The following LTBP1 variants were observed in gnomAD, a reference collection of about 807,000 sequenced individuals.
The protein encoded by LTBP1 is latent transforming growth factor beta binding protein 1.
In LTBP1, 129 loss-of-function variants were observed where a neutral mutation model predicts 207.6. The observed-to-expected ratio is 0.62, with a 90% CI of 0.54 to 0.72. The LOEUF (loss-of-function observed/expected upper bound fraction) is 0.72. Ranked by LOEUF, LTBP1 falls within the 30% of genes least tolerant of loss-of-function variation. The pLI, the probability that LTBP1 is intolerant of heterozygous loss-of-function variation, is 0.00. For synonymous variants in LTBP1, 963 were observed against 833.7 expected (o/e 1.16, Z -2.67); for missense variants, 2,281 against 2,217.2 (o/e 1.03, Z -0.58).
At chr2:33,026,213 G>C (rs1196344697) in intron 3 of LTBP1, among the ~76,000 whole-genome samples, 1 of 152,000 alleles carries the variant, frequency 6.6e-6, no homozygotes, top group East Asian at 1.9e-4. Context: ...TTCCTTAAAC[G>C]ATCTCTCAGA....
At chr2:33,295,221 C>T (rs1345855911) in intron 20 of LTBP1, among the ~76,000 whole-genome samples, 2 of 151,632 alleles carry the variant, frequency 1.3e-5, no homozygotes, top group Admixed American at 6.6e-5. Flanking sequence ...TCAATGTATA[C>T]GAACTCTTTA....
At chr2:33,216,817 C>T (rs1238822860) in intron 7 of LTBP1, among the ~76,000 whole-genome samples, 1 of 152,180 alleles carries the variant, frequency 6.6e-6, no homozygotes, top group Non-Finnish European at 1.5e-5. Flanking sequence ...GCCCCTGCCT[C>T]TCAGCTTTTT....
At chr2:33,372,725 ATGG>A (rs1164955282) in intron 31 of LTBP1, among the ~76,000 whole-genome samples, 4 of 152,022 alleles carry the variant, frequency 2.6e-5, no homozygotes, top group Non-Finnish European at 4.4e-5. Context: ...TTAGCCAGGC[ATGG>A]TGGCGCATGC....
chr2:33,147,807 T>C (rs1182435959), intron 5 of LTBP1, among the ~76,000 whole-genome samples: 2 of 152,204 alleles, frequency 1.3e-5, no homozygotes, highest in Non-Finnish European at 1.5e-5. Context: ...GTCTGCCTTG[T>C]CTTCAGAATT....
At chr2:33,226,923 A>G (rs565738769) in intron 9 of LTBP1, among the ~76,000 whole-genome samples, 3 of 152,314 alleles carry the variant, frequency 2.0e-5, no homozygotes, top group East Asian at 1.9e-4. Flanking sequence ...ATTTAGGTCT[A>G]TCTAAACATC....
Position 33,243,661 on chromosome 2 carries a change from G to C in LTBP1, c.1877-1G>C. 6.2e-7 allele frequency: 1 copy of C among 1,613,670 alleles called. No homozygotes were observed. The highest frequency in any genetic ancestry group is 8.5e-7 in the Non-Finnish European group (1 of 1,179,770). On this transcript the variant is annotated splice_acceptor_variant, in intron 9 of 33. Transcript: ENST00000404816. LOFTEE classifies it high-confidence loss of function. ...TTCTAAAGAATTGTGTTTTCCTGCAGATATTAATGAATGTCAGCTACAAGG... is the reference window on the plus strand; with the variant it reads ...TTCTAAAGAATTGTGTTTTCCTGCACATATTAATGAATGTCAGCTACAAGG...
chr2:33,083,539 C>A (rs1475261608), intron 3 of LTBP1, among the ~76,000 whole-genome samples: 1 of 152,028 alleles, frequency 6.6e-6, no homozygotes, highest in Non-Finnish European at 1.5e-5. Context: ...AGGGGGGAAT[C>A]TGGATTCAGG....
chr2:33,095,642 G>T (rs1235231400), intron 3 of LTBP1, among the ~76,000 whole-genome samples: 1 of 152,108 alleles, frequency 6.6e-6, no homozygotes, highest in Non-Finnish European at 1.5e-5. Context: ...GACTGAAGAT[G>T]TTGGAATTAG....
intron 19 of LTBP1, among the ~76,000 whole-genome samples, chr2:33,286,339 TAA>T (rs1055724697): frequency 6.6e-6 from 1 of 152,220 alleles, no homozygotes; most frequent in Non-Finnish European, 1.5e-5. Flanking sequence ...ACTTGAAGAA[TAA>T]ACTTGGACAG....
At chr2:33,353,893 T>C (rs902674773) in intron 26 of LTBP1, among the ~76,000 whole-genome samples, 1 of 149,954 alleles carries the variant, frequency 6.7e-6, no homozygotes, top group African/African-American at 2.5e-5. Flanking sequence ...TGAGTCTCTC[T>C]CTGTCACCCA....
rs1166854146 is a variant in LTBP1 at position 33,344,436 on chromosome 2, C to T, written c.3856+1473C>T. Reference sequence around the variant, plus strand: ...CTTCTTCACCTGTTGTTTCCAGCAACGTCAGACTGGTTGTGGTTGCCCATG... The same window carrying T: ...CTTCTTCACCTGTTGTTTCCAGCAATGTCAGACTGGTTGTGGTTGCCCATG... On this transcript the variant is annotated intron_variant, in intron 25 of 33. Coordinates refer to ENST00000404816, the MANE Select transcript of LTBP1 (RefSeq NM_206943.4). Among the ~76,000 whole-genome samples, 5 of 152,290 alleles carry T rather than the reference C, an allele frequency of 3.3e-5. No homozygotes were observed. The East Asian group carries it at 5.8e-4, about 18-fold the overall frequency.
intron 10 of LTBP1, among the ~76,000 whole-genome samples, chr2:33,244,430 A>G (rs752203727): frequency 6.6e-6 from 1 of 152,216 alleles, no homozygotes; most frequent in Non-Finnish European, 1.5e-5. Flanking sequence ...AAAATCCTTC[A>G]TTAAACCACA....
At chr2:32,956,669 C>T (rs1678121732) in intron 2 of LTBP1, among the ~76,000 whole-genome samples, 2 of 152,200 alleles carry the variant, frequency 1.3e-5, no homozygotes, top group South Asian at 4.1e-4. Flanking sequence ...CTTTAATCTC[C>T]TCCCGTAAAT....
chr2:33,338,882 T>C (rs76852596), intron 24 of LTBP1, among the ~76,000 whole-genome samples: 1,531 of 152,206 alleles, frequency 0.01, 53 homozygotes, highest in East Asian at 0.087. Flanking sequence ...TGGCCAGACA[T>C]ATAGGCAGGA....
chr2:33,075,975 A>G (rs926604602), intron 3 of LTBP1, among the ~76,000 whole-genome samples: 8 of 152,214 alleles, frequency 5.3e-5, no homozygotes, highest in Non-Finnish European at 1.2e-4. Flanking sequence ...AGTAGACACC[A>G]AAAGTTTCTG....
chr2:33,366,882 C>G (rs1204851980), intron 31 of LTBP1, among the ~76,000 whole-genome samples: 2 of 152,104 alleles, frequency 1.3e-5, no homozygotes, highest in African/African-American at 2.4e-5. Context: ...TGCTATACTA[C>G]CTCAAATCTT....
At chr2:33,150,066 G>T (rs10432657) in intron 5 of LTBP1, among the ~76,000 whole-genome samples, 1 of 151,864 alleles carries the variant, frequency 6.6e-6, no homozygotes, top group Non-Finnish European at 1.5e-5. Context: ...CCTCTTTGGG[G>T]CCAAAACACT....
At chr2:33,395,989 A>T (rs2095354817) in intron 32 of LTBP1, among the ~76,000 whole-genome samples, 1 of 151,002 alleles carries the variant, frequency 6.6e-6, no homozygotes, top group Non-Finnish European at 1.5e-5. Context: ...GTGTTGGGTC[A>T]CTGTGGATTT....
intron 3 of LTBP1, among the ~76,000 whole-genome samples, chr2:33,048,057 A>G (rs2076535086): frequency 6.6e-6 from 1 of 152,142 alleles, no homozygotes; most frequent in South Asian, 2.1e-4. Context: ...ACAAGGGATG[A>G]ACCTTGCATA....
Sources: allele counts gnomAD v4.1 joint callset (sites outside exome capture counted in the v4.1 genomes callset), GRCh38; gene constraint gnomAD v4.1.1; transcripts MANE v1.5; gene names NCBI Gene and HGNC (gene_info 2026-07-23, HGNC 2026-07-21).